The following LUC7L variants were observed in gnomAD, a reference collection of about 807,000 sequenced individuals.
LUC7L encodes putative RNA-binding protein Luc7-like 1.
In LUC7L, 29 loss-of-function variants were observed where a neutral mutation model predicts 51.1. That is an observed-to-expected ratio of 0.57 (90% confidence interval 0.42 to 0.77). The LOEUF (loss-of-function observed/expected upper bound fraction) is 0.77. Ranked by LOEUF, LUC7L falls within the 30% of genes least tolerant of loss-of-function variation. LUC7L has a pLI of 0.00. For missense variants in LUC7L, 403 were observed against 511.9 expected (o/e 0.79, Z 2.05); for synonymous variants, 181 against 180.7 (o/e 1.00, Z -0.01).
chr16:224,334 C>T (rs112587852), intron 2 of LUC7L, among the ~76,000 whole-genome samples: 136 of 150,600 alleles, frequency 9.0e-4, no homozygotes, highest in African/African-American at 3.2e-3. Context: ...GCCTGGCCAA[C>T]GTGGTGAAAC....
intron 6 of LUC7L, among the ~76,000 whole-genome samples, chr16:195,857 C>T (rs2049134985): frequency 6.6e-6 from 1 of 152,056 alleles, no homozygotes; most frequent in African/African-American, 2.4e-5. Flanking sequence ...CTAACTAGGG[C>T]ACAGAACTCC....
intron 5 of LUC7L, among the ~76,000 whole-genome samples, chr16:205,468 T>C (rs1306407447): frequency 1.3e-5 from 2 of 152,214 alleles, no homozygotes; most frequent in Admixed American, 6.6e-5. Context: ...CAAGTCAACG[T>C]AGACCCACTG....
intron 3 of LUC7L, among the ~76,000 whole-genome samples, chr16:213,155 T>C (rs1159412084): frequency 6.6e-6 from 1 of 152,180 alleles, no homozygotes; most frequent in African/African-American, 2.4e-5. Flanking sequence ...GACTGCCTTA[T>C]AACAAATATA....
chr16:204,808 T>C (rs544497348), intron 5 of LUC7L, among the ~76,000 whole-genome samples: 90 of 152,308 alleles, frequency 5.9e-4, no homozygotes, highest in African/African-American at 2.1e-3. Flanking sequence ...TCTTGCCTTC[T>C]TGGGAGCATT....
chr16:197,100 G>T (rs1248303438), intron 6 of LUC7L, among the ~76,000 whole-genome samples: 2 of 150,340 alleles, frequency 1.3e-5, no homozygotes, highest in Non-Finnish European at 1.5e-5. Context: ...TAGAGACGGG[G>T]TTTCACCTTG....
chr16:204,701 T>C (rs573080203), intron 5 of LUC7L, among the ~76,000 whole-genome samples: 2 of 152,286 alleles, frequency 1.3e-5, no homozygotes, highest in East Asian at 3.9e-4. Context: ...ATTTACAAGA[T>C]GAATTGTCCG....
chr16:227,012 T>G (rs1277204310), intron 2 of LUC7L, among the ~76,000 whole-genome samples: 1 of 152,166 alleles, frequency 6.6e-6, no homozygotes, highest in Non-Finnish European at 1.5e-5. Context: ...AGTTCAAGGC[T>G]GCAGTGAGCT....
chr16:193,875 C>T (rs2049080288), intron 6 of LUC7L, among the ~76,000 whole-genome samples: 1 of 151,290 alleles, frequency 6.6e-6, no homozygotes, highest in Non-Finnish European at 1.5e-5. Flanking sequence ...GCAATCTCGG[C>T]TCGCCGCAAG....
rs76351008 is a variant in LUC7L at position 198,975 on chromosome 16, C to T, written c.687+87G>A. The T allele has an allele frequency of 2.3e-5, 31 of 1,377,392 alleles. No individual in the cohort carries two copies. The Admixed American group carries it at 2.3e-4, about 10-fold the overall frequency. The allele number at this position is 1,377,392 out of a possible 1,614,324, so 85.3% of individuals were successfully genotyped here. On this transcript the variant is annotated intron_variant, in intron 6 of 9. Transcript: ENST00000293872. ...GATTATAGGCATCAGCCACCACGCC[C>T]GGCCAAAACATAAGGTTTTTAAAAA...
chr16:194,308 T>C (rs1275310998), intron 6 of LUC7L, among the ~76,000 whole-genome samples: 3 of 152,138 alleles, frequency 2.0e-5, no homozygotes, highest in Non-Finnish European at 4.4e-5. Context: ...AATCTTGCTA[T>C]GTTGCCCAGG....
chr16:224,055 T>C (rs1444632126), intron 2 of LUC7L, among the ~76,000 whole-genome samples: 1 of 152,032 alleles, frequency 6.6e-6, no homozygotes, highest in African/African-American at 2.4e-5. Context: ...AGCTGAAAAA[T>C]GAATGGCAGC....
chr16:190,205 C>T (rs761267419), intron 8 of LUC7L, 70 bp from the exon 9 acceptor site: 15 of 1,330,106 alleles, frequency 1.1e-5, no homozygotes, highest in Non-Finnish European at 1.6e-5. Flanking sequence ...CACCCCTCAG[C>T]AGATTCTGCT....
Position 189,016 on chromosome 16 carries a change from T to C in LUC7L, c.*182A>G. On this transcript the variant is annotated 3_prime_UTR_variant, in exon 10 of 10. Transcript: ENST00000293872. ...CAGGAGGCAGCATCAGATTTATTTA[T>C]TCCTACTCAACATGACCCGGGAACA... The C allele has an allele frequency of 1.6e-6, 1 of 634,302 alleles. No individual in the cohort carries two copies. The highest frequency in any genetic ancestry group is 2.7e-6 in the Non-Finnish European group (1 of 375,954). 39.3% of individuals were successfully genotyped at this position (634,302 alleles called of 1,614,324 possible).
rs544074312 is a variant in LUC7L, at chr16:208,105, C to T, written c.339G>A (p.Glu113=). 2 of 1,613,588 alleles carry T rather than the reference C, an allele frequency of 1.2e-6. No individual in the cohort carries two copies. Among genetic ancestry groups the T allele is most frequent in the African/African-American group, 2.7e-5 (2 of 75,010 alleles). The change falls in exon 4 of 10, where the codon GAG becomes GAA. Residue 113 remains glutamate (E), a synonymous_variant. Coordinates refer to ENST00000293872, the MANE Select transcript of LUC7L (RefSeq NM_201412.3). ...TTGCAGAAACTTCCGCACTGATTTC[C>T]TCCTGTGTTTCTGCCAGCCGCTTCT... ...LAKKRLAETQ[E]EISAEVSAKA...
chr16:229,210 C>G, intron 1 of LUC7L, 69 bp downstream of exon 1: 1 of 1,508,934 alleles, frequency 6.6e-7, no homozygotes, highest in Non-Finnish European at 8.8e-7. Flanking sequence ...CGGCCCCCGC[C>G]TCAGGCCGCC....
At chr16:193,344 A>T (rs1012620247) in intron 6 of LUC7L, among the ~76,000 whole-genome samples, 4 of 151,826 alleles carry the variant, frequency 2.6e-5, no homozygotes, top group Non-Finnish European at 4.4e-5. Context: ...ATGGGGTTTC[A>T]CCATGTTGGC....
At chr16:225,410 T>C (rs983821868) in intron 2 of LUC7L, among the ~76,000 whole-genome samples, 1 of 149,564 alleles carries the variant, frequency 6.7e-6, no homozygotes, top group African/African-American at 2.5e-5. Context: ...GGCTTGAACC[T>C]GGGAGGCAGA....
Position 218,122 on chromosome 16 carries a change from G to A in LUC7L, c.255+2527C>T, listed in dbSNP as rs1165186345. On this transcript the variant is annotated intron_variant, in intron 3 of 9. Transcript: ENST00000293872. The stretch of plus-strand genomic sequence containing the variant: ...GTAGGAGAATCGCTTGAACCCAGGA[G>A]GTGGAGGTTACAGTGAGCTAAGATC... 3.9e-5 allele frequency among the ~76,000 whole-genome samples: 6 copies of A among 152,124 alleles called. No individual in the cohort carries two copies. The East Asian group carries it at 7.7e-4, about 20-fold the overall frequency.
chr16:193,195 C>G (rs1193053934), intron 6 of LUC7L, among the ~76,000 whole-genome samples, 180 bp from the exon 7 acceptor site: 15 of 152,128 alleles, frequency 9.9e-5, no homozygotes, highest in Admixed American at 9.8e-4. Flanking sequence ...TGTCACCAGG[C>G]TGGAGTGCAG....
Sources: allele counts gnomAD v4.1 joint callset (sites outside exome capture counted in the v4.1 genomes callset), GRCh38; gene constraint gnomAD v4.1.1; transcripts MANE v1.5; gene names NCBI Gene and HGNC (gene_info 2026-07-23, HGNC 2026-07-21).